ELOVL5: variants seen among roughly 807,000 people sequenced by gnomAD.
ELOVL5 encodes the protein very long chain fatty acid elongase 5.
In ELOVL5, 8 loss-of-function variants were observed where a neutral mutation model predicts 38.6. The ratio of observed to expected loss-of-function variants is 0.21; its 90% CI spans 0.12 to 0.37. The LOEUF is 0.37. Among genes scored for constraint, ELOVL5 ranks in the 10% least tolerant of loss-of-function variants. ELOVL5 has a pLI of 1.00. For synonymous variants in ELOVL5, 127 were observed against 133.7 expected (o/e 0.95, Z 0.34); for missense variants, 280 against 367.8 (o/e 0.76, Z 1.95).
intron 3 of ELOVL5, among the ~76,000 whole-genome samples, chr6:53,287,553 G>A (rs552559068): frequency 6.6e-5 from 10 of 152,218 alleles, no homozygotes; most frequent in Admixed American, 6.5e-4. Flanking sequence ...AAAGAGGCTG[G>A]GAGAAAAAAA....
At chr6:53,300,135 C>T (rs1767191005) in intron 1 of ELOVL5, among the ~76,000 whole-genome samples, 1 of 152,110 alleles carries the variant, frequency 6.6e-6, no homozygotes, top group Admixed American at 6.5e-5. Context: ...GTATTTCCCC[C>T]AAACTCTCCC....
intron 1 of ELOVL5, among the ~76,000 whole-genome samples, chr6:53,340,649 T>C (rs1277183472): frequency 6.6e-6 from 1 of 152,252 alleles, no homozygotes; most frequent in African/African-American, 2.4e-5. Context: ...CAGTATTCAG[T>C]ACAGTAACTT....
At chr6:53,342,461 G>C (rs1458316346) in intron 1 of ELOVL5, among the ~76,000 whole-genome samples, 1 of 152,190 alleles carries the variant, frequency 6.6e-6, no homozygotes, top group African/African-American at 2.4e-5. Flanking sequence ...CAATTCGCCA[G>C]CATGGCTTCA....
chr6:53,336,135 C>A (rs547672336), intron 1 of ELOVL5, among the ~76,000 whole-genome samples: 1 of 152,192 alleles, frequency 6.6e-6, no homozygotes, highest in Non-Finnish European at 1.5e-5. Flanking sequence ...CCTGTTGATT[C>A]GAGTATATAC....
chr6:53,329,328 T>G (rs9382197), intron 1 of ELOVL5, among the ~76,000 whole-genome samples: 55,213 of 151,992 alleles, frequency 0.36, 11,138 homozygotes, highest in African/African-American at 0.55. Flanking sequence ...AGTAGGTTAG[T>G]TATTTTTAAA....
chr6:53,297,874 A>G (rs1406809424), intron 1 of ELOVL5, among the ~76,000 whole-genome samples: 1 of 152,198 alleles, frequency 6.6e-6, no homozygotes, highest in East Asian at 1.9e-4. Context: ...CAGGAGAGAC[A>G]AGAAATTCTA....
intron 3 of ELOVL5, chr6:53,290,585 T>G (rs1766736644): frequency 6.6e-6 from 1 of 152,232 alleles, no homozygotes; most frequent in Non-Finnish European, 1.5e-5. Context: ...AAGCATTTCT[T>G]GGCATGTCAA....
intron 1 of ELOVL5, among the ~76,000 whole-genome samples, chr6:53,332,027 A>T (rs1768826850): frequency 6.6e-6 from 1 of 152,142 alleles, no homozygotes. Context: ...AGGCTCTTTT[A>T]CACAACCAGA....
At chr6:53,348,663 G>C (rs951953325) in intron 1 of ELOVL5, among the ~76,000 whole-genome samples, 154 bp downstream of exon 1, 2 of 152,212 alleles carry the variant, frequency 1.3e-5, no homozygotes, top group African/African-American at 4.8e-5. Context: ...TGGAGGCCGC[G>C]GGCGGAGCGC....
In ELOVL5 at chr6:53,317,839, AAAAAT is replaced by A. The variant is rs201054509; in HGVS notation, c.-8-22137_-8-22133del. Among the ~76,000 whole-genome samples, 1,077 of 150,448 alleles carry A rather than the reference AAAAAT, an allele frequency of 7.2e-3. 22 individuals are homozygous for A. The highest frequency in any genetic ancestry group is 0.025 in the African/African-American group (1,011 of 40,222). ...AAGATGAGAACAAAAAAAAATTAAA[AAAAAT>A]AAAATAAAATAAAATAAAAACCTAA... On this transcript the variant is annotated intron_variant, in intron 1 of 7. Coordinates refer to ENST00000304434, the MANE Select transcript of ELOVL5 (RefSeq NM_021814.5).
chr6:53,305,880 C>G lies in ELOVL5; in HGVS notation c.-8-10173G>C, dbSNP rs561336707. On this transcript the variant is annotated intron_variant, in intron 1 of 7. Transcript: ENST00000304434. ...CTGGGAGGTGGAGGTTGTAGCGAGC[C>G]GAGATCACGCCACTGCACTCCAGCC... Among the ~76,000 whole-genome samples the G allele has an allele frequency of 1.8e-4, 28 of 152,142 alleles. No homozygotes were observed. The South Asian group carries it at 2.9e-3, about 16-fold the overall frequency.
In ELOVL5 at chr6:53,276,195, C is replaced by T; in HGVS notation, c.308G>A (p.Gly103Glu). 1 of 1,611,942 alleles carries T rather than the reference C, an allele frequency of 6.2e-7. No homozygotes were observed. Among genetic ancestry groups the T allele is most frequent in the Non-Finnish European group, 8.5e-7 (1 of 1,178,064 alleles). The change falls in exon 4 of 8, where the codon GGA becomes GAA. Residue 103 changes from glycine to glutamate, a missense_variant. By Grantham distance (98) the Gly-to-Glu change is moderately conservative. Coordinates refer to ENST00000304434, the MANE Select transcript of ELOVL5 (RefSeq NM_021814.5). Reference protein sequence around the residue: ...NFFCQGTRTAGESDMKIIRVL... With the variant: ...NFFCQGTRTAEESDMKIIRVL... ...AGACAGTACCTTCATATCTGATTCTCCTGCGGTGCGTGTGCCCTGACAGAA... is the reference window on the plus strand; with the variant it reads ...AGACAGTACCTTCATATCTGATTCTTCTGCGGTGCGTGTGCCCTGACAGAA...
chr6:53,300,611 T>G lies in ELOVL5; in HGVS notation c.-8-4904A>C, dbSNP rs745346524. Among the ~76,000 whole-genome samples the G allele has an allele frequency of 3.3e-5, 5 of 151,842 alleles. No homozygotes were observed. In the East Asian group the frequency reaches 9.7e-4, roughly 29 times the overall value. Reference sequence around the variant, plus strand: ...GCCACACATCTACCAAGGGAAAGGGTGGGTGTTCCATTTAGAGGCACAAAT... The same window carrying G: ...GCCACACATCTACCAAGGGAAAGGGGGGGTGTTCCATTTAGAGGCACAAAT... On this transcript the variant is annotated intron_variant, in intron 1 of 7. Transcript: ENST00000304434.
chr6:53,313,702 A>G (rs539653709), intron 1 of ELOVL5, among the ~76,000 whole-genome samples: 45 of 151,334 alleles, frequency 3.0e-4, no homozygotes, highest in African/African-American at 1.0e-3. Context: ...GATGTTTTTG[A>G]AAATGAAAAA....
intron 3 of ELOVL5, among the ~76,000 whole-genome samples, chr6:53,280,410 T>C (rs541449594): frequency 4.6e-5 from 7 of 152,342 alleles, no homozygotes; most frequent in Admixed American, 6.5e-5. Flanking sequence ...TCCTCCTTCC[T>C]TGGAGTAAAG....
chr6:53,314,666 C>A (rs1468377296), intron 1 of ELOVL5, among the ~76,000 whole-genome samples: 1 of 151,948 alleles, frequency 6.6e-6, no homozygotes, highest in African/African-American at 2.4e-5. Flanking sequence ...TTTCAGTTCA[C>A]TTCAAAACAC....
At chr6:53,282,829 T>C (rs1766411278) in intron 3 of ELOVL5, among the ~76,000 whole-genome samples, 2 of 152,212 alleles carry the variant, frequency 1.3e-5, no homozygotes, top group African/African-American at 4.8e-5. Flanking sequence ...CCAAATCCTA[T>C]TTTCCCACAA....
intron 1 of ELOVL5, among the ~76,000 whole-genome samples, chr6:53,346,850 T>C (rs1030449742): frequency 6.6e-6 from 1 of 152,218 alleles, no homozygotes; most frequent in Non-Finnish European, 1.5e-5. Context: ...GAAAAAAAGA[T>C]TCTTGCAAAC....
Position 53,267,476 on chromosome 6 carries a change from CTT to C in ELOVL5, c.*1649_*1650del, listed in dbSNP as rs1305677290. On this transcript the variant is annotated 3_prime_UTR_variant, in exon 8 of 8. Transcript: ENST00000304434. Reference sequence around the variant, plus strand: ...GGTATATCCAGGTGAGCTAAGCACACTTTGACAGCACACTATTGAATGTTATA... The same window carrying C: ...GGTATATCCAGGTGAGCTAAGCACACTGACAGCACACTATTGAATGTTATA... The C allele has an allele frequency of 6.6e-6, 1 of 152,558 alleles. No individual in the cohort carries two copies. The allele number at this position is 152,558 out of a possible 1,614,324, so 9.5% of individuals were successfully genotyped here.
Sources: allele counts gnomAD v4.1 joint callset (sites outside exome capture counted in the v4.1 genomes callset), GRCh38; gene constraint gnomAD v4.1.1; transcripts MANE v1.5; gene names NCBI Gene and HGNC (gene_info 2026-07-23, HGNC 2026-07-21).